The following AKR1C3 variants were observed in gnomAD, a reference collection of about 807,000 sequenced individuals.
The protein encoded by AKR1C3 is aldo-keto reductase family 1 member C3, also known as 3-alpha hydroxysteroid dehydrogenase, type II.
A neutral mutation model predicts 43.6 loss-of-function variants in AKR1C3; 48 were observed. The ratio of observed to expected loss-of-function variants is 1.10; its 90% confidence interval spans 0.87 to 1.40. AKR1C3 has a LOEUF of 1.40. AKR1C3 is among the 40% of genes most tolerant of loss of function. The pLI, the probability that AKR1C3 is intolerant of heterozygous loss-of-function variation, is 0.00. For missense variants in AKR1C3, 482 were observed against 391.2 expected (o/e 1.23, Z -1.96); for synonymous variants, 162 against 139.6 (o/e 1.16, Z -1.13).
rs538947122 is a variant in AKR1C3 at position 5,088,536 on chromosome 10, T to C, written c.85-7874T>C. 1.1e-4 allele frequency among the ~76,000 whole-genome samples: 17 copies of C among 152,026 alleles called. 1 individual carries two copies. The South Asian group carries it at 3.5e-3, about 32-fold the overall frequency. On this transcript the variant is annotated intron_variant, in intron 1 of 8. Coordinates refer to the AKR1C3 transcript ENST00000439082. The stretch of plus-strand genomic sequence containing the variant: ...TTGAATACATTTATATTTAGGATGG[T>C]TAAATCTTCTTGCTGTATGGAATCT...
intron 1 of AKR1C3, chr10:5,082,011 T>A (rs1006599278): frequency 6.6e-6 from 1 of 152,182 alleles, no homozygotes; most frequent in Non-Finnish European, 1.5e-5. Context: ...CTGTTTGTCT[T>A]AGAAGGATCA....
intron 1 of AKR1C3, among the ~76,000 whole-genome samples, chr10:5,055,945 A>G (rs782127060): frequency 1.3e-5 from 2 of 152,200 alleles, no homozygotes; most frequent in Non-Finnish European, 2.9e-5. Context: ...TATAGGCTGT[A>G]TTCGTTCCTT....
chr10:5,082,193 C>T (rs557529747), intron 1 of AKR1C3, among the ~76,000 whole-genome samples: 2 of 152,146 alleles, frequency 1.3e-5, no homozygotes, highest in Admixed American at 6.6e-5. Context: ...TTTGAGGAAC[C>T]TTTAGGGTTT....
At chr10:5,066,429 G>A (rs1257184714) in intron 1 of AKR1C3, among the ~76,000 whole-genome samples, 2 of 152,300 alleles carry the variant, frequency 1.3e-5, no homozygotes, top group African/African-American at 4.8e-5. Flanking sequence ...ATCTCAGCAT[G>A]TCATTGACAG....
At position 5,102,230 on chromosome 10, in the gene AKR1C3, C is replaced by G. The variant is rs1254313796; in HGVS notation, c.680+20C>G. 7 of 1,602,070 alleles carry G rather than the reference C, an allele frequency of 4.4e-6. No homozygotes were observed. The highest frequency in any genetic ancestry group is 3.3e-5 in the South Asian group (3 of 90,494). On this transcript the variant is annotated intron_variant, in intron 6 of 8. Coordinates refer to ENST00000380554, the MANE Select transcript of AKR1C3 (RefSeq NM_003739.6). Reference sequence around the variant, plus strand: ...ACGATGGTAATAAAAACAATGGGACCTTTACATAAACCTTCATTTTGCAGA... The same window carrying G: ...ACGATGGTAATAAAAACAATGGGACGTTTACATAAACCTTCATTTTGCAGA...
upstream of AKR1C3, among the ~76,000 whole-genome samples, chr10:5,093,214 A>G (rs782069450): frequency 4.8e-4 from 73 of 151,138 alleles, 1 homozygote; most frequent in Admixed American, 3.3e-4. Context: ...CAGCACCCCC[A>G]TAAATAAATA....
At chr10:5,051,165 G>A (rs566669761) in intron 1 of AKR1C3, among the ~76,000 whole-genome samples, 165 of 152,250 alleles carry the variant, frequency 1.1e-3, no homozygotes, top group African/African-American at 3.7e-3. Flanking sequence ...GCGTGGTCTC[G>A]GCTAACTGCA....
chr10:5,104,528 CTCTT>C (rs782089973), intron 7 of AKR1C3, among the ~76,000 whole-genome samples: 45 of 136,718 alleles, frequency 3.3e-4, no homozygotes, highest in South Asian at 1.1e-3. Flanking sequence ...TTTTTTCTAA[CTCTT>C]TATTTTATTT....
chr10:5,102,198 G>A lies in AKR1C3; in HGVS notation c.668G>A (p.Arg223Gln), dbSNP rs782018434. Residue 223 changes from arginine to glutamine, a missense_variant, in exon 6 of 9, where the codon CGA becomes CAA. Transcript: ENST00000380554. ...LVAYSALGSQ[R>Q]DKRWVDPNSP... is the part of the protein sequence containing the mutation. Reference sequence around the variant, plus strand: ...GCCTATAGTGCTCTGGGATCTCAACGAGACAAACGATGGTAATAAAAACAA... The same window carrying A: ...GCCTATAGTGCTCTGGGATCTCAACAAGACAAACGATGGTAATAAAAACAA... The A allele has an allele frequency of 6.8e-6, 11 of 1,612,950 alleles. No homozygotes were observed. The highest frequency in any genetic ancestry group is 1.7e-5 in the Admixed American group (1 of 59,862).
In AKR1C3 at chr10:5,096,417, GA is replaced by G. The variant is rs1564368577; in HGVS notation, c.94del (p.Ser32ValfsTer9). 6.2e-7 allele frequency: 1 copy of G among 1,613,024 alleles called. No individual in the cohort carries two copies. The highest frequency in any genetic ancestry group is 1.7e-5 in the Admixed American group (1 of 59,980). On this transcript the variant is annotated frameshift_variant, in exon 2 of 9. Transcript: ENST00000380554. LOFTEE classifies it high-confidence loss of function. The part of the protein sequence containing the change: ...FGTYAPPEVP[R>X]SKALEVTKLA... ...CTTTGGTTGCTCCTCCAGGTTCCGA[GA>G]AGTAAAGCTTTGGAGGTCACAAAAT...
At chr10:5,105,382 G>A (rs112427816) in intron 7 of AKR1C3, 5 of 402,866 alleles carry the variant, frequency 1.2e-5, no homozygotes, top group South Asian at 4.6e-5. Context: ...TGTCTGCAGA[G>A]TTGCACAGTT....
intron 8 of AKR1C3, among the ~76,000 whole-genome samples, chr10:5,106,753 C>CAAA (rs782740812): frequency 7.3e-6 from 1 of 136,122 alleles, no homozygotes; most frequent in Admixed American, 7.3e-5. Context: ...GGCTCCATCT[C>CAAA]AAAAAAAAAA....
At chr10:5,065,234 C>A (rs782479003) in intron 1 of AKR1C3, among the ~76,000 whole-genome samples, 2 of 152,154 alleles carry the variant, frequency 1.3e-5, no homozygotes, top group Non-Finnish European at 2.9e-5. Flanking sequence ...TACTATTCAA[C>A]CGAGCAATCC....
At chr10:5,101,217 T>C (rs979845553) in intron 5 of AKR1C3, among the ~76,000 whole-genome samples, 1 of 152,240 alleles carries the variant, frequency 6.6e-6, no homozygotes, top group African/African-American at 2.4e-5. Flanking sequence ...CAATTACTTA[T>C]AATCCACTGG....
chr10:5,067,661 A>T (rs983089074), intron 1 of AKR1C3, among the ~76,000 whole-genome samples: 1 of 152,224 alleles, frequency 6.6e-6, no homozygotes, highest in Admixed American at 6.5e-5. Context: ...CCTTTCATAA[A>T]ATGTCTAAAT....
intron 1 of AKR1C3, among the ~76,000 whole-genome samples, chr10:5,072,828 C>G (rs1382785695): frequency 6.6e-6 from 1 of 152,124 alleles, no homozygotes; most frequent in East Asian, 1.9e-4. Flanking sequence ...TATCATTTAT[C>G]TCAAGAAGAT....
At chr10:5,091,822 G>A (rs1474353815), upstream of AKR1C3, among the ~76,000 whole-genome samples, 3 of 152,090 alleles carry the variant, frequency 2.0e-5, no homozygotes, top group Non-Finnish European at 4.4e-5. Context: ...TTGAAGAAGT[G>A]TAGAATAAAA....
chr10:5,086,846 C>G (rs1416431491), intron 1 of AKR1C3, among the ~76,000 whole-genome samples: 6 of 152,208 alleles, frequency 3.9e-5, no homozygotes, highest in East Asian at 1.9e-4. Flanking sequence ...TTCTTTGTCT[C>G]TTTTGATCTT....
chr10:5,049,967 G>C (rs1389165068), intron 1 of AKR1C3, among the ~76,000 whole-genome samples: 1 of 152,206 alleles, frequency 6.6e-6, no homozygotes, highest in Non-Finnish European at 1.5e-5. Flanking sequence ...CTTCCATGTA[G>C]GCCTGGTGTT....
Sources: allele counts gnomAD v4.1 joint callset (sites outside exome capture counted in the v4.1 genomes callset), GRCh38; gene constraint gnomAD v4.1.1; transcripts MANE v1.5; gene names NCBI Gene and HGNC (gene_info 2026-07-23, HGNC 2026-07-21).